STAG1: variants seen among roughly 807,000 people sequenced by gnomAD.
STAG1 encodes STAG1 cohesin complex component.
STAG1 carries 26 observed loss-of-function variants against 170.9 expected under a neutral mutation model. The observed-to-expected ratio is 0.15, with a 90% CI of 0.11 to 0.21. The LOEUF (loss-of-function observed/expected upper bound fraction) is 0.21. Ranked by LOEUF, STAG1 falls within the 10% of genes least tolerant of loss-of-function variation. The pLI is 1.00. For missense variants in STAG1, 964 were observed against 1,509.5 expected (o/e 0.64, Z 5.99); for synonymous variants, 514 against 497.7 (o/e 1.03, Z -0.44).
intron 1 of STAG1, among the ~76,000 whole-genome samples, chr3:136,685,898 G>A (rs2107892006): frequency 7.2e-6 from 1 of 139,842 alleles, no homozygotes; most frequent in East Asian, 1.9e-4. Context: ...AGACTGAGGT[G>A]GTCTTTAGTA....
chr3:136,600,154 C>T (rs1167607355), intron 4 of STAG1, among the ~76,000 whole-genome samples: 1 of 152,196 alleles, frequency 6.6e-6, no homozygotes, highest in Non-Finnish European at 1.5e-5. Context: ...ATGCAAACTA[C>T]TACCCTTCTG....
intron 1 of STAG1, among the ~76,000 whole-genome samples, chr3:136,685,830 G>C (rs1258856066): frequency 6.6e-6 from 1 of 152,118 alleles, no homozygotes; most frequent in African/African-American, 2.4e-5. Context: ...AAATCTCTAA[G>C]CAAAATATTT....
chr3:136,609,651 C>G (rs184274738), intron 3 of STAG1: 1 of 166,052 alleles, frequency 6.0e-6, no homozygotes, highest in East Asian at 1.8e-4. Context: ...CTAGTAGAAT[C>G]CAGAGGAATA....
At chr3:136,341,572 T>A in intron 30 of STAG1, 21 bp from the exon 31 acceptor site, 1 of 1,511,194 alleles carries the variant, frequency 6.6e-7, no homozygotes, top group Non-Finnish European at 9.2e-7. Context: ...GTACTATTAT[T>A]AATTTTGTAG....
chr3:136,524,788 G>C (rs895104658), intron 6 of STAG1, among the ~76,000 whole-genome samples: 1 of 151,746 alleles, frequency 6.6e-6, no homozygotes, highest in African/African-American at 2.4e-5. Context: ...CTAATTTATT[G>C]AGAGTTTTTA....
intron 22 of STAG1, among the ~76,000 whole-genome samples, chr3:136,381,169 C>A: frequency 6.6e-6 from 1 of 151,628 alleles, no homozygotes; most frequent in African/African-American, 2.4e-5. Flanking sequence ...AGTTCAAAGC[C>A]TAAGAGAAAG....
intron 1 of STAG1, among the ~76,000 whole-genome samples, chr3:136,747,532 T>C (rs1157935306): frequency 6.6e-6 from 1 of 151,242 alleles, no homozygotes; most frequent in Non-Finnish European, 1.5e-5. Context: ...CTATACAAAA[T>C]ACAAAAATTA....
In STAG1 at chr3:136,564,544, T is replaced by C. The variant is rs73863628; in HGVS notation, c.394+4221A>G. The stretch of plus-strand genomic sequence containing the variant: ...CTAAGATATGTTTACTAATGTCTCA[T>C]AGGTACTTAGGTCTATGTCAGGATT... On this transcript the variant is annotated intron_variant, in intron 5 of 33. Transcript: ENST00000383202. Among the ~76,000 whole-genome samples, 860 of 152,354 alleles carry C rather than the reference T, an allele frequency of 5.6e-3. 9 individuals are homozygous for C. The highest frequency in any genetic ancestry group is 0.02 in the African/African-American group (824 of 41,584).
intron 1 of STAG1, among the ~76,000 whole-genome samples, chr3:136,671,067 T>A (rs1222138247): frequency 6.6e-6 from 1 of 151,980 alleles, no homozygotes; most frequent in African/African-American, 2.4e-5. Flanking sequence ...GGCAGATCAC[T>A]TGAGGTCAAG....
At chr3:136,588,244 T>C (rs1401211058) in intron 4 of STAG1, among the ~76,000 whole-genome samples, 1 of 152,182 alleles carries the variant, frequency 6.6e-6, no homozygotes, top group African/African-American at 2.4e-5. Context: ...CAGAACTTAT[T>C]AACATTAGTG....
chr3:136,548,977 C>G (rs966911895), intron 5 of STAG1, among the ~76,000 whole-genome samples: 5 of 152,178 alleles, frequency 3.3e-5, no homozygotes, highest in African/African-American at 1.2e-4. Flanking sequence ...CCTTCTAATT[C>G]TGCCATGATT....
chr3:136,379,624 G>A (rs565792695), intron 22 of STAG1, among the ~76,000 whole-genome samples: 1 of 152,216 alleles, frequency 6.6e-6, no homozygotes, highest in Non-Finnish European at 1.5e-5. Flanking sequence ...CAGGAGAATG[G>A]CTTGAATCTG....
At chr3:136,673,646 A>G (rs1050960707) in intron 1 of STAG1, among the ~76,000 whole-genome samples, 2 of 152,116 alleles carry the variant, frequency 1.3e-5, no homozygotes, top group Non-Finnish European at 2.9e-5. Context: ...CAATTATCTA[A>G]AGGGAAACAG....
chr3:136,561,815 A>G (rs1243245617), intron 5 of STAG1, among the ~76,000 whole-genome samples: 3 of 70,732 alleles, frequency 4.2e-5, no homozygotes, highest in Non-Finnish European at 8.0e-5. Flanking sequence ...TGGGGTTAAA[A>G]CATTTTTTTT....
chr3:136,606,513 G>C (rs1163475708), intron 3 of STAG1, among the ~76,000 whole-genome samples: 1 of 152,066 alleles, frequency 6.6e-6, no homozygotes, highest in African/African-American at 2.4e-5. Flanking sequence ...CTTGCCTAAT[G>C]ACCTTTTGGT....
At chr3:136,711,250 G>GT (rs2107918680) in intron 1 of STAG1, among the ~76,000 whole-genome samples, 1 of 152,266 alleles carries the variant, frequency 6.6e-6, no homozygotes, top group South Asian at 2.1e-4. Context: ...TTTGGTTGGA[G>GT]GTTAAGTTGG....
intron 12 of STAG1, among the ~76,000 whole-genome samples, chr3:136,465,222 CTT>C (rs63439962): frequency 2.9e-5 from 4 of 136,170 alleles, no homozygotes; most frequent in Non-Finnish European, 4.7e-5. Context: ...TCTTCTACAG[CTT>C]TTTTTTTTTT....
intron 25 of STAG1, among the ~76,000 whole-genome samples, chr3:136,364,281 C>T (rs1446055967): frequency 6.6e-6 from 1 of 151,736 alleles, no homozygotes; most frequent in East Asian, 1.9e-4. Flanking sequence ...CAGGGTTTCA[C>T]CATGTTGGCC....
At chr3:136,737,997 G>A (rs577866575) in intron 1 of STAG1, among the ~76,000 whole-genome samples, 2 of 152,260 alleles carry the variant, frequency 1.3e-5, no homozygotes, top group Non-Finnish European at 2.9e-5. Flanking sequence ...GAACCTAGGA[G>A]GTGGAGGTTG....
Sources: gnomAD v4.1 joint callset for allele counts (sites outside exome capture counted in the v4.1 genomes callset) on GRCh38, gnomAD v4.1.1 for gene constraint, MANE v1.5 for transcripts, NCBI Gene and HGNC (gene_info 2026-07-23, HGNC 2026-07-21) for gene names.